Variants in DRAXIN observed in about 807,000 individuals in gnomAD.
DRAXIN encodes the protein dorsal inhibitory axon guidance protein, also known as dorsal repulsive axon guidance protein.
A neutral mutation model predicts 33.9 loss-of-function variants in DRAXIN; 27 were observed. The ratio of observed to expected loss-of-function variants is 0.80; its 90% CI spans 0.59 to 1.10. DRAXIN has a LOEUF of 1.10. Among genes scored for constraint, DRAXIN ranks in the 50% least tolerant of loss-of-function variants. The pLI is 0.00. For synonymous variants in DRAXIN, 178 were observed against 194.0 expected, an observed-to-expected ratio of 0.92 and a Z score of 0.69; for missense variants, 371 against 460.8, an observed-to-expected ratio of 0.81 and a Z score of 1.78.
intron 1 of DRAXIN, among the ~76,000 whole-genome samples, chr1:11,702,041 C>A (rs890133149): frequency 2.0e-5 from 3 of 152,188 alleles, no homozygotes; most frequent in African/African-American, 7.2e-5. Flanking sequence ...CACCCATGCT[C>A]ACAAACATGC....
At chr1:11,695,479 G>C (rs760436869) in intron 1 of DRAXIN, among the ~76,000 whole-genome samples, 1 of 152,042 alleles carries the variant, frequency 6.6e-6, no homozygotes, top group African/African-American at 2.4e-5. Context: ...CCAGCTACTT[G>C]GGAGGCTGAG....
chr1:11,719,746 C>A lies in DRAXIN; in HGVS notation c.*50C>A, dbSNP rs190644098. The A allele has an allele frequency of 2.2e-5, 33 of 1,529,324 alleles. No individual in the cohort carries two copies. In the African/African-American group the frequency reaches 4.0e-4, roughly 18 times the overall value. 94.7% of individuals were successfully genotyped at this position (1,529,324 alleles called of 1,614,324 possible). Reference sequence around the variant, plus strand: ...GCCCAGGAGGTTTGCACAAGCCGGGCGATTTGTTTGTAACTAGCAGTGGGA... The same window carrying A: ...GCCCAGGAGGTTTGCACAAGCCGGGAGATTTGTTTGTAACTAGCAGTGGGA... On this transcript the variant is annotated 3_prime_UTR_variant, in exon 7 of 7. Transcript: ENST00000294485.
At chr1:11,699,759 T>C (rs1447495333) in intron 1 of DRAXIN, among the ~76,000 whole-genome samples, 3 of 151,478 alleles carry the variant, frequency 2.0e-5, no homozygotes, top group African/African-American at 7.3e-5. Context: ...AAACCCCGTC[T>C]CTACTAAAAA....
intron 1 of DRAXIN, among the ~76,000 whole-genome samples, chr1:11,697,999 G>A (rs1228143565): frequency 3.3e-5 from 5 of 151,742 alleles, no homozygotes; most frequent in Admixed American, 6.6e-5. Context: ...AATCCCACCC[G>A]CCCCATCCTC....
chr1:11,687,934 C>T (rs1570296795), upstream of DRAXIN, among the ~76,000 whole-genome samples: 1 of 152,174 alleles, frequency 6.6e-6, no homozygotes, highest in Non-Finnish European at 1.5e-5. This position sits in a 1 kb window ranked among gnomAD's most constrained non-coding sequence, Gnocchi z 4.1. Flanking sequence ...GAAACTGAGG[C>T]CCTAAAGTCA....
At chr1:11,701,464 G>A (rs200068856) in intron 1 of DRAXIN, among the ~76,000 whole-genome samples, 2 of 152,208 alleles carry the variant, frequency 1.3e-5, no homozygotes, top group East Asian at 1.9e-4. Flanking sequence ...AAAGAAACGC[G>A]GAAAGGCCTG....
intron 2 of DRAXIN, among the ~76,000 whole-genome samples, chr1:11,707,323 G>A (rs1215845553): frequency 2.6e-5 from 4 of 152,164 alleles, no homozygotes; most frequent in East Asian, 3.9e-4. Context: ...ACAGTTCAGC[G>A]CCCTCCAAGC....
Position 11,706,361 on chromosome 1 carries a change from C to T in DRAXIN, c.103C>T (p.Arg35Trp), listed in dbSNP as rs150554919. 3.8e-5 allele frequency: 61 copies of T among 1,613,732 alleles called. No homozygotes were observed. The highest frequency in any genetic ancestry group is 3.3e-4 in the Middle Eastern group (2 of 6,046). Reference protein sequence around the residue: ...AGALAPGTPARNLPENHIDLP... With the variant: ...AGALAPGTPAWNLPENHIDLP... ...CGCCCTTGCACCTGGGACCCCTGCCCGGAACCTCCCTGAGAATCACATTGA... is the reference window on the plus strand; with the variant it reads ...CGCCCTTGCACCTGGGACCCCTGCCTGGAACCTCCCTGAGAATCACATTGA... Residue 35 changes from arginine (R) to tryptophan (W), a missense_variant, in exon 2 of 7, where the codon CGG becomes TGG. Physicochemically the swap from Arg to Trp is moderately radical, Grantham distance 101. Coordinates refer to ENST00000294485, the MANE Select transcript of DRAXIN (RefSeq NM_198545.4). The surrounding 1 kb of genome is among the most constrained non-coding windows in gnomAD (Gnocchi z 5.5).
At chr1:11,714,800 G>C (rs994170911) in intron 5 of DRAXIN, among the ~76,000 whole-genome samples, 3 of 152,182 alleles carry the variant, frequency 2.0e-5, no homozygotes, top group African/African-American at 7.2e-5. Context: ...TCCCAGCTCT[G>C]AGCTGACTCC....
rs1641152956 is a variant in DRAXIN, at chr1:11,694,123, T to C, written c.-11+2270T>C. Among the ~76,000 whole-genome samples, 3 of 152,104 alleles carry C rather than the reference T, an allele frequency of 2.0e-5. No homozygotes were observed. The highest frequency in any genetic ancestry group is 7.2e-5 in the African/African-American group (3 of 41,434). Reference sequence around the variant, plus strand: ...CCTTGCCTCCCTAGCTCTTGTGAACTGCACGGCATAATCCCTATCTGGGAG... The same window carrying C: ...CCTTGCCTCCCTAGCTCTTGTGAACCGCACGGCATAATCCCTATCTGGGAG... On this transcript the variant is annotated intron_variant, in intron 1 of 6. Transcript: ENST00000294485. This position sits in a 1 kb window ranked among gnomAD's most constrained non-coding sequence, Gnocchi z 4.9.
At chr1:11,689,718 G>T (rs563746903), upstream of DRAXIN, among the ~76,000 whole-genome samples, 1 of 152,312 alleles carries the variant, frequency 6.6e-6, no homozygotes, top group African/African-American at 2.4e-5. Context: ...GCTGTCTATG[G>T]AGTAGTCATT....
rs988333 is a variant in DRAXIN at position 11,694,530 on chromosome 1, A to G, written c.-11+2677A>G. 0.11 allele frequency among the ~76,000 whole-genome samples: 16,259 copies of G among 152,160 alleles called. 2,877 individuals are homozygous for G. Among genetic ancestry groups the G allele is most frequent in the African/African-American group, 0.37 (15,264 of 41,444 alleles). ...GATTGGGTTTGAAGCCCAGCTGATC[A>G]CTTAGCAGCTGTGGGACCCAGAGGG... On this transcript the variant is annotated intron_variant, in intron 1 of 6. Coordinates refer to ENST00000294485, the MANE Select transcript of DRAXIN (RefSeq NM_198545.4). The surrounding 1 kb of genome is among the most constrained non-coding windows in gnomAD (Gnocchi z 4.9).
intron 1 of DRAXIN, among the ~76,000 whole-genome samples, chr1:11,702,322 G>A (rs4846025): frequency 0.71 from 106,737 of 149,744 alleles, 38,670 homozygotes; most frequent in African/African-American, 0.87. Flanking sequence ...ACACGCTCAC[G>A]CACATGCTAA....
chr1:11,687,690 C>T (rs1485240787), upstream of DRAXIN, among the ~76,000 whole-genome samples: 1 of 152,208 alleles, frequency 6.6e-6, no homozygotes, highest in African/African-American at 2.4e-5. The surrounding 1 kb of genome is among the most constrained non-coding windows in gnomAD (Gnocchi z 4.1). Context: ...CTTGCCAATA[C>T]GGAACATTCC....
rs1641715003 is a variant in DRAXIN, at chr1:11,724,739, G to A, written c.*5043G>A. 2 of 152,338 alleles carry A rather than the reference G, an allele frequency of 1.3e-5. No homozygotes were observed. The highest frequency in any genetic ancestry group is 1.3e-4 in the Admixed American group (2 of 15,274). 9.4% of individuals were successfully genotyped at this position (152,338 alleles called of 1,614,324 possible). ...GTTTATAAAACAACAGAACAGCCAG[G>A]AAAATGGTGCTAGGAGAGACAGTGG... On this transcript the variant is annotated 3_prime_UTR_variant, in exon 7 of 7. Coordinates refer to ENST00000294485, the MANE Select transcript of DRAXIN (RefSeq NM_198545.4).
At chr1:11,711,651 G>C (rs1411752423) in intron 3 of DRAXIN, among the ~76,000 whole-genome samples, 200 bp from the exon 4 acceptor site, 1 of 152,230 alleles carries the variant, frequency 6.6e-6, no homozygotes, top group African/African-American at 2.4e-5. Context: ...TGGCTGCACA[G>C]GAAGGAAATT....
At chr1:11,693,528 A>G (rs1469034993) in intron 1 of DRAXIN, among the ~76,000 whole-genome samples, 1 of 152,186 alleles carries the variant, frequency 6.6e-6, no homozygotes, top group Non-Finnish European at 1.5e-5. Flanking sequence ...GAAACCTCCC[A>G]GCTGGCAGGT....
rs1266645901 is a variant in DRAXIN at position 11,723,220 on chromosome 1, A to G, written c.*3524A>G. The G allele has an allele frequency of 1.3e-5, 2 of 152,200 alleles. No individual in the cohort carries two copies. Among genetic ancestry groups the G allele is most frequent in the Non-Finnish European group, 2.9e-5 (2 of 68,042 alleles). 9.4% of individuals were successfully genotyped at this position (152,200 alleles called of 1,614,324 possible). ...TGCGCAAAACCAGGCAGTGGGGCAG[A>G]TTTGGCCTGAGGGTCACGGTTTGCC... On this transcript the variant is annotated 3_prime_UTR_variant, in exon 7 of 7. Transcript: ENST00000294485.
At chr1:11,703,853 T>C (rs976016246) in intron 1 of DRAXIN, among the ~76,000 whole-genome samples, 2 of 151,996 alleles carry the variant, frequency 1.3e-5, no homozygotes, top group African/African-American at 4.8e-5. Context: ...CACAGCCAAG[T>C]AGGGTCGTGG....
Sources: gnomAD v4.1 joint callset for allele counts (sites outside exome capture counted in the v4.1 genomes callset) on GRCh38, gnomAD v4.1.1 for gene constraint, Gnocchi (gnomAD v3.1) non-coding constraint, MANE v1.5 for transcripts, NCBI Gene and HGNC (gene_info 2026-07-23, HGNC 2026-07-21) for gene names.